The following PDE7A variants were observed in gnomAD, a reference collection of about 807,000 sequenced individuals.
The protein encoded by PDE7A is phosphodiesterase 7A.
In PDE7A, 39 loss-of-function variants were observed where a neutral mutation model predicts 64.3. The ratio of observed to expected loss-of-function variants is 0.61; its 90% CI spans 0.47 to 0.79. The LOEUF (loss-of-function observed/expected upper bound fraction) is 0.79, where lower values mean the gene tolerates loss of function less well. Ranked by LOEUF, PDE7A falls within the 30% of genes least tolerant of loss-of-function variation. The pLI is 0.00. For missense variants in PDE7A, 470 were observed against 582.8 expected (o/e 0.81, Z 1.99); for synonymous variants, 203 against 206.8 (o/e 0.98, Z 0.16).
At chr8:65,749,488 T>C (rs1416916710) in intron 3 of PDE7A, among the ~76,000 whole-genome samples, 1 of 152,224 alleles carries the variant, frequency 6.6e-6, no homozygotes, top group Non-Finnish European at 1.5e-5. Flanking sequence ...CAATGTAACT[T>C]ACTTTAAAAA....
rs546191967 is a variant in PDE7A, at chr8:65,817,914, A to G, written c.138+23457T>C. 3.2e-3 allele frequency among the ~76,000 whole-genome samples: 479 copies of G among 151,890 alleles called. 3 individuals carry two copies. The highest frequency in any genetic ancestry group is 0.011 in the African/African-American group (460 of 41,314). ...ATTACAGGCGCCTGCCACTGCGCCCAGCTAATTTTTTGTATTTTTAGTAGA... is the reference window on the plus strand; with the variant it reads ...ATTACAGGCGCCTGCCACTGCGCCCGGCTAATTTTTTGTATTTTTAGTAGA... On this transcript the variant is annotated intron_variant, in intron 1 of 12. Coordinates refer to ENST00000401827, the MANE Select transcript of PDE7A (RefSeq NM_001242318.3).
At chr8:65,802,787 T>G (rs1057515110) in intron 1 of PDE7A, among the ~76,000 whole-genome samples, 8 of 152,184 alleles carry the variant, frequency 5.3e-5, no homozygotes, top group Admixed American at 1.3e-4. Flanking sequence ...CCCAATCTCA[T>G]GTTGAAATGG....
At chr8:65,839,898 T>C (rs750585530) in intron 1 of PDE7A, among the ~76,000 whole-genome samples, 31 of 152,240 alleles carry the variant, frequency 2.0e-4, no homozygotes, top group Middle Eastern at 3.2e-3. Flanking sequence ...TGTTTTATAA[T>C]TGTATAAATA....
chr8:65,720,243 T>C (rs1806318346), intron 12 of PDE7A, among the ~76,000 whole-genome samples: 1 of 152,246 alleles, frequency 6.6e-6, no homozygotes, highest in Non-Finnish European at 1.5e-5. Flanking sequence ...CTAAGTAGTA[T>C]CTTAAACAAG....
intron 1 of PDE7A, among the ~76,000 whole-genome samples, chr8:65,809,939 C>T (rs1201340749): frequency 5.9e-5 from 9 of 152,184 alleles, no homozygotes; most frequent in Admixed American, 1.3e-4. Context: ...GACAGTGTGG[C>T]GATTCCTCAA....
intron 1 of PDE7A, among the ~76,000 whole-genome samples, chr8:65,821,940 C>T (rs1198982413): frequency 6.6e-6 from 1 of 152,142 alleles, no homozygotes; most frequent in Non-Finnish European, 1.5e-5. Flanking sequence ...CTACTGGACA[C>T]CAATGGTGTC....
chr8:65,739,704 T>C, intron 5 of PDE7A, 107 bp from the exon 6 acceptor site: 1 of 1,154,388 alleles, frequency 8.7e-7, no homozygotes, highest in Non-Finnish European at 1.1e-6. Context: ...AGAGTAATAA[T>C]TCCCACTTTT....
chr8:65,770,416 C>T (rs1563499777), intron 3 of PDE7A, among the ~76,000 whole-genome samples: 1 of 152,156 alleles, frequency 6.6e-6, no homozygotes, highest in Non-Finnish European at 1.5e-5. Flanking sequence ...AAAGGGAAAC[C>T]TCTTATAAAA....
intron 3 of PDE7A, among the ~76,000 whole-genome samples, chr8:65,763,293 G>A (rs1274927807): frequency 2.0e-5 from 3 of 152,034 alleles, no homozygotes; most frequent in Non-Finnish European, 4.4e-5. Flanking sequence ...GGTTACATAC[G>A]GTGGCTCACG....
At chr8:65,731,128 T>C (rs189223310) in intron 7 of PDE7A, among the ~76,000 whole-genome samples, 67 of 152,322 alleles carry the variant, frequency 4.4e-4, no homozygotes, top group African/African-American at 1.5e-3. Context: ...GACATTCCTG[T>C]GGTTTCCATG....
intron 1 of PDE7A, among the ~76,000 whole-genome samples, chr8:65,798,206 A>ATATATATATATATATATATTT: frequency 1.6e-4 from 12 of 73,792 alleles, no homozygotes; most frequent in East Asian, 1.1e-3. Context: ...ATATATATAT[A>ATATATATATATATATATATTT]TTTTTTTTTT....
intron 1 of PDE7A, chr8:65,838,630 A>T (rs2128935881): frequency 6.6e-6 from 1 of 152,358 alleles, no homozygotes; most frequent in Non-Finnish European, 1.5e-5. Flanking sequence ...AACTTTTAAA[A>T]ACAGGCTCTA....
chr8:65,803,713 A>G (rs1451183123), intron 1 of PDE7A, among the ~76,000 whole-genome samples: 1 of 152,232 alleles, frequency 6.6e-6, no homozygotes, highest in Non-Finnish European at 1.5e-5. Context: ...TTATGTTTAA[A>G]TGGATTTAAT....
intron 3 of PDE7A, chr8:65,770,827 G>A (rs990559364): frequency 1.3e-5 from 2 of 157,362 alleles, no homozygotes; most frequent in African/African-American, 2.4e-5. Flanking sequence ...TTAGCTGATT[G>A]CCTAAGTTTC....
At chr8:65,786,918 G>A (rs1310408309) in intron 1 of PDE7A, among the ~76,000 whole-genome samples, 2 of 152,180 alleles carry the variant, frequency 1.3e-5, no homozygotes, top group African/African-American at 4.8e-5. Context: ...AGGACCCACT[G>A]CCTCACTAAC....
At chr8:65,837,446 T>C (rs966069276) in intron 1 of PDE7A, among the ~76,000 whole-genome samples, 2 of 152,238 alleles carry the variant, frequency 1.3e-5, no homozygotes, top group Admixed American at 1.3e-4. Context: ...GTATACGTCA[T>C]GAGATACCTT....
intron 3 of PDE7A, among the ~76,000 whole-genome samples, chr8:65,773,719 T>G (rs1379895643): frequency 6.6e-6 from 1 of 152,192 alleles, no homozygotes; most frequent in Non-Finnish European, 1.5e-5. Flanking sequence ...TGCTCCTGGT[T>G]TCCTAGTGAT....
At chr8:65,743,113 T>C (rs1220641317) in intron 5 of PDE7A, among the ~76,000 whole-genome samples, 1 of 151,888 alleles carries the variant, frequency 6.6e-6, no homozygotes, top group Non-Finnish European at 1.5e-5. Flanking sequence ...AGACTAATAA[T>C]AGGCTATGAG....
chr8:65,803,953 C>A (rs575418941), intron 1 of PDE7A, among the ~76,000 whole-genome samples: 1 of 152,164 alleles, frequency 6.6e-6, no homozygotes, highest in Admixed American at 6.5e-5. Context: ...CTCCTACACA[C>A]AGACACACAT....
Sources: allele counts gnomAD v4.1 joint callset (sites outside exome capture counted in the v4.1 genomes callset), GRCh38; gene constraint gnomAD v4.1.1; transcripts MANE v1.5; gene names NCBI Gene and HGNC (gene_info 2026-07-23, HGNC 2026-07-21).